Variants in IMMP2L observed in about 807,000 individuals in gnomAD.
IMMP2L encodes the protein mitochondrial inner membrane protease subunit 2.
In IMMP2L, 18 loss-of-function variants were observed where a neutral mutation model predicts 19.3. The ratio of observed to expected loss-of-function variants is 0.93; its 90% CI spans 0.64 to 1.38. The LOEUF (loss-of-function observed/expected upper bound fraction) is 1.38. IMMP2L is among the 40% of genes most tolerant of loss of function. The probability of loss-of-function intolerance (pLI) is 0.00; values close to 1 mark genes in which losing one functional copy is unlikely to be tolerated. For missense variants in IMMP2L, 233 were observed against 218.2 expected (o/e 1.07, Z -0.43); for synonymous variants, 76 against 73.0 (o/e 1.04, Z -0.21).
intron 3 of IMMP2L, among the ~76,000 whole-genome samples, chr7:111,458,100 AG>A (rs1458261888): frequency 6.6e-6 from 1 of 152,164 alleles, no homozygotes; most frequent in Non-Finnish European, 1.5e-5. Context: ...AGAATGCACC[AG>A]GGCACGGTGG....
At chr7:110,687,022 C>G (rs1562916368) in intron 5 of IMMP2L, among the ~76,000 whole-genome samples, 1 of 152,104 alleles carries the variant, frequency 6.6e-6, no homozygotes, top group Non-Finnish European at 1.5e-5. Context: ...TATTCCTCTA[C>G]CACATACCCT....
At chr7:111,345,630 T>C (rs1378958853) in intron 3 of IMMP2L, among the ~76,000 whole-genome samples, 3 of 152,098 alleles carry the variant, frequency 2.0e-5, no homozygotes, top group Non-Finnish European at 2.9e-5. Context: ...AAAAACTGAG[T>C]TGACTCATAG....
At position 111,530,929 on chromosome 7, in the gene IMMP2L, A is replaced by C. The variant is rs376533839; in HGVS notation, c.-2-9480T>G. Among the ~76,000 whole-genome samples the C allele has an allele frequency of 3.3e-5, 5 of 152,078 alleles. No individual in the cohort carries two copies. In the East Asian group the frequency reaches 7.7e-4, roughly 23 times the overall value. On this transcript the variant is annotated intron_variant, in intron 1 of 5. Transcript: ENST00000405709. Reference sequence around the variant, plus strand: ...AGATCAGCGAACAGGACCTATATTAAGACAAGTGAGACATAAGACTGAATA... The same window carrying C: ...AGATCAGCGAACAGGACCTATATTACGACAAGTGAGACATAAGACTGAATA...
chr7:111,140,655 T>C (rs1053400448), intron 3 of IMMP2L, among the ~76,000 whole-genome samples: 2 of 152,216 alleles, frequency 1.3e-5, no homozygotes, highest in African/African-American at 4.8e-5. Context: ...TTTGCAATTT[T>C]GGAAATATCT....
chr7:110,917,365 T>A (rs2129549825), intron 4 of IMMP2L, among the ~76,000 whole-genome samples: 1 of 152,314 alleles, frequency 6.6e-6, no homozygotes, highest in Non-Finnish European at 1.5e-5. Context: ...ATTTTTTTCT[T>A]TTCATGCCTT....
intron 3 of IMMP2L, among the ~76,000 whole-genome samples, chr7:111,226,948 G>A (rs1307593347): frequency 6.6e-6 from 1 of 152,066 alleles, no homozygotes. Flanking sequence ...CAGTGGAGAA[G>A]ACAAGACTGG....
chr7:111,407,627 T>C (rs1834011499), intron 3 of IMMP2L, among the ~76,000 whole-genome samples: 1 of 151,896 alleles, frequency 6.6e-6, no homozygotes, highest in Non-Finnish European at 1.5e-5. Context: ...ACAAAATAGA[T>C]TACTGGTTGC....
intron 4 of IMMP2L, among the ~76,000 whole-genome samples, chr7:110,889,137 C>T (rs1810525941): frequency 6.6e-6 from 1 of 152,126 alleles, no homozygotes; most frequent in Non-Finnish European, 1.5e-5. Context: ...TCAGCAGTCC[C>T]CAGCCTTTTA....
intron 3 of IMMP2L, among the ~76,000 whole-genome samples, chr7:111,125,845 T>TG (rs1277787568): frequency 7.2e-6 from 1 of 138,816 alleles, no homozygotes; most frequent in African/African-American, 2.8e-5. Context: ...TTTTTTGAGA[T>TG]GGAGTCTCCC....
chr7:110,943,112 C>G (rs1816896083), intron 4 of IMMP2L, among the ~76,000 whole-genome samples: 1 of 151,990 alleles, frequency 6.6e-6, no homozygotes, highest in Non-Finnish European at 1.5e-5. Flanking sequence ...CTAAGGCATA[C>G]AGTTTCACGC....
intron 5 of IMMP2L, among the ~76,000 whole-genome samples, chr7:110,782,590 G>A (rs950158428): frequency 6.6e-6 from 1 of 151,732 alleles, no homozygotes; most frequent in African/African-American, 2.4e-5. Context: ...TTCAGGGCAT[G>A]TTTATTTGCA....
chr7:110,997,898 G>A (rs1242007986), intron 3 of IMMP2L, among the ~76,000 whole-genome samples: 2 of 152,088 alleles, frequency 1.3e-5, no homozygotes, highest in Non-Finnish European at 2.9e-5. Flanking sequence ...AACTTGCCAA[G>A]TTCTTCTAAT....
intron 3 of IMMP2L, among the ~76,000 whole-genome samples, chr7:111,084,111 G>T (rs1027761753): frequency 1.3e-5 from 2 of 152,126 alleles, no homozygotes; most frequent in Non-Finnish European, 2.9e-5. Context: ...GATGAGACTG[G>T]AAGCAGGGAA....
At chr7:111,047,908 TC>T (rs1445560857) in intron 3 of IMMP2L, among the ~76,000 whole-genome samples, 160 of 152,014 alleles carry the variant, frequency 1.1e-3, no homozygotes, top group Non-Finnish European at 3.7e-4. Context: ...ATGCCTGCCA[TC>T]CCCCCAAAAA....
At chr7:110,730,102 T>A (rs987761364) in intron 5 of IMMP2L, among the ~76,000 whole-genome samples, 3 of 151,688 alleles carry the variant, frequency 2.0e-5, no homozygotes, top group Non-Finnish European at 4.4e-5. Context: ...ATGTTAAGAG[T>A]ATTGTGATGG....
intron 3 of IMMP2L, among the ~76,000 whole-genome samples, chr7:111,176,829 ACT>A (rs1807118249): frequency 6.6e-6 from 1 of 151,940 alleles, no homozygotes; most frequent in East Asian, 1.9e-4. Context: ...CACAGTGTGG[ACT>A]CTCTTATTAC....
intron 3 of IMMP2L, among the ~76,000 whole-genome samples, chr7:111,048,238 C>CAAAAAAAAAAAAAAAAAGAAAAAA (rs1792611918): frequency 5.4e-5 from 1 of 18,350 alleles, no homozygotes; most frequent in Non-Finnish European, 1.4e-4. Context: ...GACTCTGTCT[C>CAAAAAAAAAAAAAAAAAGAAAAAA]AAAAAAAAAA....
At chr7:111,281,216 A>AAGAGAAAGAAAGAAAG (rs1293249599) in intron 3 of IMMP2L, among the ~76,000 whole-genome samples, 1 of 38,762 alleles carries the variant, frequency 2.6e-5, no homozygotes, top group African/African-American at 9.7e-5. Context: ...GAAAGAAAGA[A>AAGAGAAAGAAAGAAAG]AAAGAAAGAA....
chr7:111,169,267 A>G (rs1288057300), intron 3 of IMMP2L, among the ~76,000 whole-genome samples: 1 of 151,778 alleles, frequency 6.6e-6, no homozygotes. Context: ...CTTGATCCCA[A>G]TTCCCAACTC....
Sources: gnomAD v4.1 joint callset for allele counts (sites outside exome capture counted in the v4.1 genomes callset) on GRCh38, gnomAD v4.1.1 for gene constraint, MANE v1.5 for transcripts, NCBI Gene and HGNC (gene_info 2026-07-23, HGNC 2026-07-21) for gene names.